Variants in TRPC4 observed in about 807,000 individuals in gnomAD.
TRPC4 encodes transient receptor potential cation channel subfamily C member 4.
In TRPC4, 49 loss-of-function variants were observed where a neutral mutation model predicts 99.4. The ratio of observed to expected loss-of-function variants is 0.49; its 90% CI spans 0.39 to 0.63. The LOEUF (loss-of-function observed/expected upper bound fraction) is 0.63. Ranked by LOEUF, TRPC4 falls within the 20% of genes least tolerant of loss-of-function variation. TRPC4 has a pLI of 0.00. For missense variants in TRPC4, 898 were observed against 1,152.9 expected (o/e 0.78, Z 3.20); for synonymous variants, 454 against 425.9 (o/e 1.07, Z -0.81).
intron 2 of TRPC4, among the ~76,000 whole-genome samples, chr13:37,749,326 A>G (rs939086831): frequency 3.3e-5 from 5 of 152,152 alleles, no homozygotes; most frequent in African/African-American, 9.6e-5. Context: ...TTTAAATTAC[A>G]TAATTATAAT....
intron 3 of TRPC4, among the ~76,000 whole-genome samples, chr13:37,745,436 GTATA>G (rs1201385469): frequency 6.8e-4 from 14 of 20,696 alleles, no homozygotes; most frequent in African/African-American, 1.0e-3. Flanking sequence ...ATATATATGC[GTATA>G]TATATATATA....
At chr13:37,816,184 T>G (rs551997841) in intron 1 of TRPC4, among the ~76,000 whole-genome samples, 1 of 151,840 alleles carries the variant, frequency 6.6e-6, no homozygotes, top group East Asian at 1.9e-4. Context: ...AAGGGCATTA[T>G]ATAATAGTAA....
At chr13:37,644,130 G>T (rs977478693) in intron 8 of TRPC4, among the ~76,000 whole-genome samples, 32 of 152,008 alleles carry the variant, frequency 2.1e-4, no homozygotes, top group Non-Finnish European at 3.7e-4. Flanking sequence ...ATAATTTTTG[G>T]CAATTAGTGA....
intron 8 of TRPC4, among the ~76,000 whole-genome samples, chr13:37,649,132 ATG>A (rs1951940390): frequency 6.6e-6 from 1 of 152,176 alleles, no homozygotes; most frequent in Non-Finnish European, 1.5e-5. Context: ...AAATTTAAGA[ATG>A]AGATGGTATA....
At chr13:37,685,715 G>T (rs1213617691) in intron 4 of TRPC4, among the ~76,000 whole-genome samples, 1 of 151,308 alleles carries the variant, frequency 6.6e-6, no homozygotes, top group Non-Finnish European at 1.5e-5. Flanking sequence ...AACATTCTCT[G>T]AAGGCCTGTA....
chr13:37,753,465 T>C (rs1290161708), intron 2 of TRPC4, among the ~76,000 whole-genome samples: 1 of 151,760 alleles, frequency 6.6e-6, no homozygotes, highest in Non-Finnish European at 1.5e-5. Flanking sequence ...AGAAGGCTGA[T>C]AGCTATTACA....
chr13:37,645,748 C>G (rs776870981), intron 8 of TRPC4, among the ~76,000 whole-genome samples: 9 of 152,220 alleles, frequency 5.9e-5, no homozygotes, highest in Admixed American at 5.9e-4. Context: ...CATCTGCTTA[C>G]TGCTTTTCAT....
intron 3 of TRPC4, among the ~76,000 whole-genome samples, chr13:37,721,198 G>A (rs74047133): frequency 0.016 from 2,508 of 152,050 alleles, 71 homozygotes; most frequent in African/African-American, 0.057. Context: ...AAAGAACATT[G>A]AAAAAAGAAA....
intron 2 of TRPC4, among the ~76,000 whole-genome samples, chr13:37,750,416 A>G (rs1227663027): frequency 6.6e-6 from 1 of 152,058 alleles, no homozygotes; most frequent in Non-Finnish European, 1.5e-5. Context: ...CGTTGGTTTT[A>G]TTTATTATAT....
chr13:37,757,610 C>G (rs1956128405), intron 2 of TRPC4, among the ~76,000 whole-genome samples: 1 of 151,704 alleles, frequency 6.6e-6, no homozygotes, highest in African/African-American at 2.4e-5. Flanking sequence ...TCATAGATGT[C>G]CTAGAGTATC....
At chr13:37,682,575 C>T (rs989246696) in intron 4 of TRPC4, among the ~76,000 whole-genome samples, 1 of 152,114 alleles carries the variant, frequency 6.6e-6, no homozygotes, top group African/African-American at 2.4e-5. Context: ...AAAGAGTTTA[C>T]AGAAAATTGT....
At chr13:37,660,177 C>T (rs1321384260) in intron 6 of TRPC4, among the ~76,000 whole-genome samples, 1 of 152,002 alleles carries the variant, frequency 6.6e-6, no homozygotes, top group African/African-American at 2.4e-5. Context: ...AAAAAATTAT[C>T]AGAGTATACT....
At chr13:37,690,203 A>G (rs1953635492) in intron 4 of TRPC4, among the ~76,000 whole-genome samples, 1 of 152,254 alleles carries the variant, frequency 6.6e-6, no homozygotes, top group Non-Finnish European at 1.5e-5. Flanking sequence ...TTTAATTTAA[A>G]TGAAACAGGG....
chr13:37,855,404 GAGAT>G (rs1959165105), intron 1 of TRPC4, among the ~76,000 whole-genome samples: 1 of 149,986 alleles, frequency 6.7e-6, no homozygotes, highest in Middle Eastern at 3.5e-3. Flanking sequence ...TGTTATTAAA[GAGAT>G]AGATAGACCT....
chr13:37,857,525 T>C (rs1261250217), intron 1 of TRPC4, among the ~76,000 whole-genome samples: 4 of 151,440 alleles, frequency 2.6e-5, no homozygotes, highest in African/African-American at 9.7e-5. Flanking sequence ...TATACTATAA[T>C]GCTATAGTAA....
At chr13:37,827,556 T>TG (rs1054210554) in intron 1 of TRPC4, among the ~76,000 whole-genome samples, 5 of 152,112 alleles carry the variant, frequency 3.3e-5, no homozygotes, top group African/African-American at 9.7e-5. Context: ...GTGCCCCTGC[T>TG]GGGGGGTGCC....
intron 1 of TRPC4, among the ~76,000 whole-genome samples, chr13:37,817,975 T>C (rs984320873): frequency 6.6e-6 from 1 of 151,664 alleles, no homozygotes; most frequent in South Asian, 2.1e-4. Context: ...CACAGGAACG[T>C]ACAAAGATTT....
At chr13:37,794,356 T>C (rs1801642150) in intron 1 of TRPC4, among the ~76,000 whole-genome samples, 1 of 152,140 alleles carries the variant, frequency 6.6e-6, no homozygotes, top group African/African-American at 2.4e-5. Context: ...ATTTGACTTG[T>C]TTTTGATGAC....
At chr13:37,637,686 C>G (rs867996125) in intron 10 of TRPC4, 61 bp from the exon 11 acceptor site, 1 of 1,477,662 alleles carries the variant, frequency 6.8e-7, no homozygotes, top group African/African-American at 1.4e-5. Flanking sequence ...ACATCATTTT[C>G]TCGTCTCATA....
Sources: gnomAD v4.1 joint callset for allele counts (sites outside exome capture counted in the v4.1 genomes callset) on GRCh38, gnomAD v4.1.1 for gene constraint, MANE v1.5 for transcripts, NCBI Gene and HGNC (gene_info 2026-07-23, HGNC 2026-07-21) for gene names.